Variants in SYNPO observed in about 807,000 individuals in gnomAD.
SYNPO encodes synaptopodin.
In SYNPO, 19 loss-of-function variants were observed where a neutral mutation model predicts 49.5. The observed-to-expected ratio is 0.38, with a 90% confidence interval of 0.27 to 0.56. SYNPO has a LOEUF of 0.56. Ranked by LOEUF, SYNPO falls within the 20% of genes least tolerant of loss-of-function variation. SYNPO has a pLI of 0.68. For synonymous variants in SYNPO, 536 were observed against 548.0 expected, an observed-to-expected ratio of 0.98 and a Z score of 0.31; for missense variants, 1,131 against 1,248.3, an observed-to-expected ratio of 0.91 and a Z score of 1.42.
At chr5:150,628,034 T>TTC (rs1554108871) in intron 2 of SYNPO, among the ~76,000 whole-genome samples, 2 of 106,948 alleles carry the variant, frequency 1.9e-5, no homozygotes, top group Non-Finnish European at 4.0e-5. Context: ...GTGTGTGTGT[T>TTC]TCTGTGTGTG....
rs181448898 is a variant in SYNPO, at chr5:150,651,788, C to G, written c.2028+1485C>G. The G allele has an allele frequency of 3.0e-4, 299 of 1,000,382 alleles. 1 individual carries two copies. The Middle Eastern group carries it at 3.1e-3, about 10-fold the overall frequency. 62.0% of individuals were successfully genotyped at this position (1,000,382 alleles called of 1,614,324 possible). ...GTCTGTAGGTCTCAGTTTCCACATT[C>G]ATACAGTGAGGGTGTTAAGTCAGGT... is the stretch of plus-strand genomic sequence containing the variant. On this transcript the variant is annotated intron_variant, in intron 2 of 2. Transcript: ENST00000307662.
chr5:150,586,670 G>C, the SYNPO span, among the ~76,000 whole-genome samples: 17 of 152,232 alleles, frequency 1.1e-4, no homozygotes, highest in African/African-American at 2.6e-4. Context: ...TTATTTGATT[G>C]ATATTGTGCC....
intron 1 of SYNPO, among the ~76,000 whole-genome samples, chr5:150,604,691 C>CT (rs2151336648): frequency 1.3e-5 from 2 of 152,314 alleles, no homozygotes; most frequent in African/African-American, 4.8e-5. Flanking sequence ...TCAACTCCAC[C>CT]TTCCTGACCT....
intron 2 of SYNPO, chr5:150,654,042 A>C (rs1029643630): frequency 2.6e-5 from 4 of 152,182 alleles, no homozygotes; most frequent in Admixed American, 6.5e-5. Flanking sequence ...GAGGAATTAG[A>C]AGACTCTCAG....
chr5:150,657,015 T>G lies in SYNPO; in HGVS notation c.2640T>G (p.Cys880Trp). Reference protein sequence around the residue: ...KSPGILGYNICPRGWNGSLRL... With the variant: ...KSPGILGYNIWPRGWNGSLRL... ...CAGGCATCCTGGGCTACAATATCTG[T>G]CCCCGCGGGTGGAATGGCAGCCTTC... Residue 880 changes from cysteine (C) to tryptophan (W), a missense_variant, in exon 3 of 3, where the codon TGT (cysteine) becomes TGG (tryptophan). Physicochemically the swap from Cys to Trp is radical, Grantham distance 215 (BLOSUM62 -2). This residue lies in a region of SYNPO where 509 missense variants were observed against 484.5 expected (regional missense o/e 1.05). Transcript: ENST00000307662. 1 of 1,599,278 alleles carries G rather than the reference T, an allele frequency of 6.3e-7. No homozygotes were observed.
At position 150,646,069 on chromosome 5, in the gene SYNPO, C is replaced by T. The variant is rs564150829; in HGVS notation, c.-332-1875C>T. Among the ~76,000 whole-genome samples the T allele has an allele frequency of 3.9e-5, 6 of 152,072 alleles. No individual in the cohort carries two copies. In the East Asian group the frequency reaches 1.2e-3, roughly 29 times the overall value. On this transcript the variant is annotated intron_variant, in intron 1 of 2. Coordinates refer to ENST00000307662, the MANE Select transcript of SYNPO (RefSeq NM_007286.6). ...TTAGGGCCAGGTATAGTGGCTCATG[C>T]CTATAATCTCAGCATTTTAGGAAGC...
At chr5:150,609,781 T>TGTG (rs1453350781) in intron 1 of SYNPO, among the ~76,000 whole-genome samples, 2 of 60,746 alleles carry the variant, frequency 3.3e-5, no homozygotes, top group Non-Finnish European at 3.6e-5. Context: ...GCACTGTGAA[T>TGTG]GTGGCGGGGG....
chr5:150,651,863 A>C (rs1355033865), intron 2 of SYNPO: 2 of 1,000,346 alleles, frequency 2.0e-6, no homozygotes, highest in African/African-American at 1.7e-5. Context: ...GATATGATAC[A>C]GCCCCCGACC....
chr5:150,605,237 G>A (rs1237608215), intron 1 of SYNPO, among the ~76,000 whole-genome samples: 3 of 152,140 alleles, frequency 2.0e-5, no homozygotes, highest in African/African-American at 7.2e-5. Context: ...TGAGCCCCAG[G>A]TGGGGCTCTC....
intron 1 of SYNPO, among the ~76,000 whole-genome samples, chr5:150,602,529 G>A (rs56110865): frequency 0.023 from 3,432 of 152,304 alleles, 66 homozygotes; most frequent in Non-Finnish European, 0.034. Flanking sequence ...AATAAAAGCC[G>A]GGGATCAGGA....
chr5:150,628,745 C>T (rs1192841378), intron 2 of SYNPO, among the ~76,000 whole-genome samples: 4 of 152,158 alleles, frequency 2.6e-5, no homozygotes, highest in Non-Finnish European at 5.9e-5. Context: ...CCCGTCTCTA[C>T]TAAAAATACA....
rs979523985 is a variant in SYNPO at position 150,656,789 on chromosome 5, C to T, written c.2414C>T (p.Pro805Leu). The T allele has an allele frequency of 2.8e-6, 4 of 1,409,220 alleles. No homozygotes were observed. The African/African-American group carries it at 6.2e-5, about 22-fold the overall frequency. 87.3% of individuals were successfully genotyped at this position (1,409,220 alleles called of 1,614,324 possible). Residue 805 changes from proline to leucine, a missense_variant, in exon 3 of 3, where the codon CCA (proline) becomes CTA (leucine). By Grantham distance (98) the Pro-to-Leu change is moderately conservative. Coordinates refer to ENST00000307662, the MANE Select transcript of SYNPO (RefSeq NM_007286.6). ...CCCCCGCCCCCGCGCATGCGCTCGC[C>T]ACAGCCCGCCCGCCCCGGCTCGGCT... ...PPPPPPRMRS[P>L]QPARPGSAAV...
chr5:150,610,042 C>A (rs2093690574), intron 1 of SYNPO, among the ~76,000 whole-genome samples: 1 of 152,244 alleles, frequency 6.6e-6, no homozygotes, highest in Non-Finnish European at 1.5e-5. Flanking sequence ...TTCCCTGGCC[C>A]ATGTATTTAT....
At chr5:150,602,072 CG>C (rs1341849675) in intron 1 of SYNPO, among the ~76,000 whole-genome samples, 1 of 152,146 alleles carries the variant, frequency 6.6e-6, no homozygotes, top group African/African-American at 2.4e-5. Flanking sequence ...CCAGACTCAT[CG>C]GGGGCACAGA....
chr5:150,635,679 T>G (rs1757692372), upstream of SYNPO, among the ~76,000 whole-genome samples: 1 of 152,172 alleles, frequency 6.6e-6, no homozygotes, highest in South Asian at 2.1e-4. Context: ...GCCAGGCTGG[T>G]CTTGAACTCC....
intron 1 of SYNPO, among the ~76,000 whole-genome samples, chr5:150,617,348 T>C (rs144595812): frequency 0.014 from 2,161 of 152,028 alleles, 61 homozygotes; most frequent in South Asian, 0.091. Context: ...CAGGCTGGAG[T>C]GCAATGGGGC....
At position 150,648,072 on chromosome 5, in the gene SYNPO, C is replaced by T. The variant is rs1239717910; in HGVS notation, c.-204C>T. On this transcript the variant is annotated 5_prime_UTR_variant, in exon 2 of 3. Coordinates refer to ENST00000307662, the MANE Select transcript of SYNPO (RefSeq NM_007286.6). The surrounding 1 kb of genome is among the most constrained non-coding windows in gnomAD (Gnocchi z 5.0). ...CCGTGGCGTCCAGCTCTTCAACAGG[C>T]GCCGGCAGAGGGTGAACGAGTTCAC... 9.0e-6 allele frequency: 14 copies of T among 1,551,672 alleles called. No homozygotes were observed. The highest frequency in any genetic ancestry group is 1.4e-5 in the African/African-American group (1 of 73,052).
In SYNPO at chr5:150,648,362, T is replaced by C. The variant is rs781601503; in HGVS notation, c.87T>C (p.Tyr29=). ...AGGAAGAGGTACCACTGGTGGTTTA[T>C]CTAAAGGAGAATGCAGCACTGCTGA... ...SEEEEVPLVV[Y]LKENAALLTA... The change falls in exon 2 of 3, where the codon TAT becomes TAC. Residue 29 remains tyrosine, a synonymous_variant. Transcript: ENST00000307662. The surrounding 1 kb of genome is among the most constrained non-coding windows in gnomAD (Gnocchi z 5.0). 31 of 1,614,134 alleles carry C rather than the reference T, an allele frequency of 1.9e-5. No homozygotes were observed. In the East Asian group the frequency reaches 6.7e-4, roughly 35 times the overall value.
Position 150,649,357 on chromosome 5 carries a change from C to A in SYNPO, c.1082C>A (p.Ala361Asp). The A allele has an allele frequency of 1.2e-6, 2 of 1,614,210 alleles. No individual in the cohort carries two copies. Among genetic ancestry groups the A allele is most frequent in the South Asian group, 1.1e-5 (1 of 91,090 alleles). ...SSHLKGQAVPASKTGILEESM... is the reference protein window; with the variant it reads ...SSHLKGQAVPDSKTGILEESM... ...CATCTGAAGGGCCAGGCGGTTCCTG[C>A]CAGCAAGACGGGCATTCTGGAGGAG... The change falls in exon 2 of 3, where the codon GCC becomes GAC. Residue 361 changes from alanine to aspartate, a missense_variant. Transcript: ENST00000307662.
Sources: gnomAD v4.1 joint callset for allele counts (sites outside exome capture counted in the v4.1 genomes callset) on GRCh38, gnomAD v4.1.1 for gene constraint, gnomAD v4.1.1 regional missense constraint, Gnocchi (gnomAD v3.1) non-coding constraint, MANE v1.5 for transcripts, NCBI Gene and HGNC (gene_info 2026-07-23, HGNC 2026-07-21) for gene names.